CHST4: variants seen among roughly 807,000 people sequenced by gnomAD.
CHST4 encodes GST-3.
For synonymous variants in CHST4, 171 were observed against 195.5 expected, an observed-to-expected ratio of 0.87 and a Z score of 1.05; for missense variants, 466 against 506.0, an observed-to-expected ratio of 0.92 and a Z score of 0.76.
In CHST4 at chr16:71,536,733, T is replaced by C. The variant is rs373933701; in HGVS notation, c.56T>C (p.Ile19Thr). Residue 19 changes from isoleucine to threonine, a missense_variant, in exon 2 of 2, where the codon ATC (isoleucine) becomes ACC (threonine). Transcript: ENST00000539698. ...LLLFLVSQMA[I>T]LALFFHMYSH... ...CTGTTTCTGGTTTCCCAGATGGCCA[T>C]CTTGGCTCTATTCTTCCACATGTAC... 3 of 1,498,112 alleles carry C rather than the reference T, an allele frequency of 2.0e-6. No homozygotes were observed. The highest frequency in any genetic ancestry group is 1.4e-5 in the South Asian group (1 of 69,526). The allele number at this position is 1,498,112 out of a possible 1,614,324, so 92.8% of individuals were successfully genotyped here.
At chr16:71,527,645 G>A (rs751891822) in intron 1 of CHST4, among the ~76,000 whole-genome samples, 14 of 152,130 alleles carry the variant, frequency 9.2e-5, no homozygotes, top group Non-Finnish European at 1.9e-4. Context: ...AGCTACTCAG[G>A]AGGCTGAGGC....
rs1225764585 is a variant in CHST4, at chr16:71,537,471, A to G, written c.794A>G (p.Lys265Arg). The G allele has an allele frequency of 4.3e-6, 7 of 1,614,160 alleles. No homozygotes were observed. The highest frequency in any genetic ancestry group is 2.2e-5 in the South Asian group (2 of 91,076). ...TACAAGACCATCCAGTCCTTGCCCA[A>G]GGCCCTGCAGGAACGCTACCTGCTT... is the stretch of plus-strand genomic sequence containing the variant. ...EIYKTIQSLP[K>R]ALQERYLLVR... The change falls in exon 2 of 2, where the codon AAG (lysine) becomes AGG (arginine). Residue 265 changes from lysine to arginine, a missense_variant. Coordinates refer to ENST00000539698, the MANE Select transcript of CHST4 (RefSeq NM_001166395.2). The surrounding 1 kb of genome is among the most constrained non-coding windows in gnomAD (Gnocchi z 4.2).
intron 1 of CHST4, among the ~76,000 whole-genome samples, chr16:71,527,517 C>T (rs1445615405): frequency 1.3e-5 from 2 of 152,178 alleles, no homozygotes. Flanking sequence ...GAAGCTGAGG[C>T]AGGTGGATCA....
chr16:71,529,101 T>C lies in CHST4; in HGVS notation c.-19+2606T>C, dbSNP rs189773810. On this transcript the variant is annotated intron_variant, in intron 1 of 1. Transcript: ENST00000539698. ...GTTTGGGTTTTTTGTTTTGTTTTTG[T>C]TTTTTGTTTTTTTTTTTTTGCTTTT... 3.6e-3 allele frequency among the ~76,000 whole-genome samples: 535 copies of C among 150,516 alleles called. 6 individuals are homozygous for C. The highest frequency in any genetic ancestry group is 0.026 in the Admixed American group (398 of 15,194).
intron 1 of CHST4, among the ~76,000 whole-genome samples, chr16:71,534,557 C>T (rs917404334): frequency 6.6e-6 from 1 of 151,884 alleles, no homozygotes; most frequent in Non-Finnish European, 1.5e-5. Context: ...AGGCATTCAC[C>T]ATGTTGGCCA....
intron 1 of CHST4, among the ~76,000 whole-genome samples, chr16:71,528,968 C>T (rs2043927340): frequency 6.6e-6 from 1 of 152,172 alleles, no homozygotes; most frequent in Non-Finnish European, 1.5e-5. Context: ...TCTCTTGACT[C>T]CTCAGAAATG....
In CHST4 at chr16:71,537,253, A is replaced by G. The variant is rs148182789; in HGVS notation, c.576A>G (p.Lys192=). 2.0e-5 allele frequency: 32 copies of G among 1,614,196 alleles called. No homozygotes were observed. In the African/African-American group the frequency reaches 3.9e-4, roughly 19 times the overall value. Residue 192 remains lysine (K), a synonymous_variant, in exon 2 of 2, where the codon AAA becomes AAG. Transcript: ENST00000539698. The surrounding 1 kb of genome is among the most constrained non-coding windows in gnomAD (Gnocchi z 4.2). The part of the protein sequence containing the change: ...FNLQSLYPLL[K]DPSLNLHIVH... ...TGCAGTCCCTCTACCCGCTGCTGAA[A>G]GACCCCTCCCTCAACCTGCATATCG...
At position 71,537,068 on chromosome 16, in the gene CHST4, G is replaced by C. The variant is rs1289541536; in HGVS notation, c.391G>C (p.Ala131Pro). The C allele has an allele frequency of 3.1e-6, 5 of 1,614,046 alleles. No homozygotes were observed. Among genetic ancestry groups the C allele is most frequent in the Non-Finnish European group, 4.2e-6 (5 of 1,180,044 alleles). Reference protein sequence around the residue: ...SSLFQWENSRALCSAPACDII... With the variant: ...SSLFQWENSRPLCSAPACDII... ...CCTCTTTCAGTGGGAGAACAGCCGGGCCCTGTGTTCTGCACCTGCCTGTGA... is the reference window on the plus strand; with the variant it reads ...CCTCTTTCAGTGGGAGAACAGCCGGCCCCTGTGTTCTGCACCTGCCTGTGA... The change falls in exon 2 of 2, where the codon GCC (alanine) becomes CCC (proline). Residue 131 changes from alanine to proline, a missense_variant. Coordinates refer to ENST00000539698, the MANE Select transcript of CHST4 (RefSeq NM_001166395.2). The surrounding 1 kb of genome is among the most constrained non-coding windows in gnomAD (Gnocchi z 4.2).
chr16:71,536,584 C>A, intron 1 of CHST4, 76 bp from the exon 2 acceptor site: 1 of 1,148,088 alleles, frequency 8.7e-7, no homozygotes, highest in Non-Finnish European at 1.2e-6. Context: ...GAGCAGGTGG[C>A]TTTGGCCAGA....
At chr16:71,530,203 G>A (rs1423872014) in intron 1 of CHST4, among the ~76,000 whole-genome samples, 1 of 152,010 alleles carries the variant, frequency 6.6e-6, no homozygotes, top group African/African-American at 2.4e-5. Context: ...GGAGAAGGCA[G>A]GCTCTCCCTT....
Position 71,537,687 on chromosome 16 carries a change from C to G in CHST4, c.1010C>G (p.Ser337Cys), listed in dbSNP as rs139402375. The change falls in exon 2 of 2, where the codon TCT becomes TGT. Residue 337 changes from serine (S) to cysteine (C), a missense_variant. Transcript: ENST00000539698. The surrounding 1 kb of genome is among the most constrained non-coding windows in gnomAD (Gnocchi z 4.2). ...AATGTCTCCCAGGCTTGGCGCTGGT[C>G]TTTGCCCTATGAAAAGGTTTCTCGA... ...ALNVSQAWRW[S>C]LPYEKVSRLQ... The G allele has an allele frequency of 6.2e-7, 1 of 1,614,204 alleles. No homozygotes were observed. The highest frequency in any genetic ancestry group is 8.5e-7 in the Non-Finnish European group (1 of 1,180,030).
At chr16:71,534,068 CCCCAG>C (rs1299377796) in intron 1 of CHST4, among the ~76,000 whole-genome samples, 2 of 151,816 alleles carry the variant, frequency 1.3e-5, no homozygotes, top group Non-Finnish European at 2.9e-5. Flanking sequence ...GATTTCCCCT[CCCCAG>C]TGACATATGT....
chr16:71,537,642 C>A lies in CHST4; in HGVS notation c.965C>A (p.Thr322Lys), dbSNP rs777985737. 6.2e-7 allele frequency: 1 copy of A among 1,614,210 alleles called. No individual in the cohort carries two copies. Among genetic ancestry groups the A allele is most frequent in the Non-Finnish European group, 8.5e-7 (1 of 1,180,038 alleles). ...GGCATGGGTGACCACGCTTTCCACACAAATGCCAGGGATGCCCTTAATGTC... is the reference window on the plus strand; with the variant it reads ...GGCATGGGTGACCACGCTTTCCACAAAAATGCCAGGGATGCCCTTAATGTC... Reference protein sequence around the residue: ...GKGMGDHAFHTNARDALNVSQ... With the variant: ...GKGMGDHAFHKNARDALNVSQ... Residue 322 changes from threonine to lysine, a missense_variant, in exon 2 of 2, where the codon ACA (threonine) becomes AAA (lysine). By Grantham distance (78) the Thr-to-Lys change is moderately conservative. Coordinates refer to ENST00000539698, the MANE Select transcript of CHST4 (RefSeq NM_001166395.2). The surrounding 1 kb of genome is among the most constrained non-coding windows in gnomAD (Gnocchi z 4.2).
chr16:71,528,731 G>C (rs2043925573), intron 1 of CHST4, among the ~76,000 whole-genome samples: 1 of 152,148 alleles, frequency 6.6e-6, no homozygotes, highest in Non-Finnish European at 1.5e-5. Flanking sequence ...CCAGTGGCTG[G>C]AACCCAGACT....
At chr16:71,527,448 AT>A (rs2043916335) in intron 1 of CHST4, among the ~76,000 whole-genome samples, 1 of 152,190 alleles carries the variant, frequency 6.6e-6, no homozygotes, top group Non-Finnish European at 1.5e-5. Flanking sequence ...AATCAAATAC[AT>A]TTAAGAAATA....
intron 1 of CHST4, among the ~76,000 whole-genome samples, chr16:71,535,701 G>A (rs1388864296): frequency 6.6e-6 from 1 of 152,102 alleles, no homozygotes; most frequent in East Asian, 1.9e-4. Context: ...GAGTGATACA[G>A]TTCTGAGATC....
intron 1 of CHST4, among the ~76,000 whole-genome samples, chr16:71,533,195 C>T (rs1376207156): frequency 1.3e-5 from 2 of 151,936 alleles, no homozygotes; most frequent in South Asian, 2.1e-4. Context: ...GAGGCTGAGG[C>T]GGGCAGACAA....
At chr16:71,527,372 G>A (rs1484008702) in intron 1 of CHST4, among the ~76,000 whole-genome samples, 4 of 152,210 alleles carry the variant, frequency 2.6e-5, no homozygotes, top group South Asian at 2.1e-4. Flanking sequence ...GAGGTCCTGA[G>A]AACATGTGTC....
intron 1 of CHST4, 194 bp from the exon 2 acceptor site, chr16:71,536,466 T>C: frequency 2.5e-6 from 1 of 406,520 alleles, no homozygotes; most frequent in Admixed American, 4.1e-5. Flanking sequence ...AAGGAGAACA[T>C]ATCAACACAC....
Sources: gnomAD v4.1 joint callset for allele counts (sites outside exome capture counted in the v4.1 genomes callset) on GRCh38, gnomAD v4.1.1 for gene constraint, Gnocchi (gnomAD v3.1) non-coding constraint, MANE v1.5 for transcripts, NCBI Gene and HGNC (gene_info 2026-07-23, HGNC 2026-07-21) for gene names.